The following FRMPD1 variants were observed in gnomAD, a reference collection of about 807,000 sequenced individuals.
The protein encoded by FRMPD1 is FERM and PDZ domain containing 1.
In FRMPD1, 76 loss-of-function variants were observed where a neutral mutation model predicts 117.8. The observed-to-expected ratio is 0.65, with a 90% CI of 0.54 to 0.78. The LOEUF is 0.78. Among genes scored for constraint, FRMPD1 ranks in the 30% least tolerant of loss-of-function variants. The probability of loss-of-function intolerance (pLI) is 0.00; values close to 1 mark genes in which losing one functional copy is unlikely to be tolerated. For synonymous variants in FRMPD1, 783 were observed against 770.4 expected (o/e 1.02, Z -0.27); for missense variants, 1,786 against 1,964.5 (o/e 0.91, Z 1.72).
At chr9:37,633,154 C>T in the FRMPD1 span, among the ~76,000 whole-genome samples, 7 of 151,964 alleles carry the variant, frequency 4.6e-5, no homozygotes, top group East Asian at 1.3e-3. Context: ...ATTCTCCTGC[C>T]TCAGCCTCCC....
At chr9:37,664,976 C>G (rs1821118649) in intron 1 of FRMPD1, among the ~76,000 whole-genome samples, 1 of 152,166 alleles carries the variant, frequency 6.6e-6, no homozygotes, top group African/African-American at 2.4e-5. Flanking sequence ...AGAATAATTA[C>G]AGATGTATTT....
chr9:37,688,750 A>G (rs1448466615), intron 1 of FRMPD1, among the ~76,000 whole-genome samples: 3 of 152,112 alleles, frequency 2.0e-5, no homozygotes, highest in Admixed American at 6.5e-5. Flanking sequence ...TTAATATGCA[A>G]TGATGTTTAT....
intron 11 of FRMPD1, 40 bp downstream of exon 11, chr9:37,733,639 T>C: frequency 6.2e-7 from 1 of 1,610,822 alleles, no homozygotes; most frequent in Non-Finnish European, 8.5e-7. Flanking sequence ...AGCTGTCGTC[T>C]GTGAAACCTT....
chr9:37,635,430 CT>C, the FRMPD1 span, among the ~76,000 whole-genome samples: 20 of 151,488 alleles, frequency 1.3e-4, no homozygotes, highest in East Asian at 1.5e-3. Flanking sequence ...ATGTTTTTTT[CT>C]TTTTTTTTGT....
Position 37,740,611 on chromosome 9 carries a change from G to C in FRMPD1, c.2083G>C (p.Asp695His). 1.2e-6 allele frequency: 2 copies of C among 1,614,192 alleles called. No homozygotes were observed. Among genetic ancestry groups the C allele is most frequent in the Non-Finnish European group, 1.7e-6 (2 of 1,180,026 alleles). Reference sequence around the variant, plus strand: ...ACCAGAACTGAGCACAGTCAGGCTGGACCCCAGGCTGTATGAAGGCAGCCA... The same window carrying C: ...ACCAGAACTGAGCACAGTCAGGCTGCACCCCAGGCTGTATGAAGGCAGCCA... ...WAPELSTVRL[D>H]PRLYEGSHAD... is the part of the protein sequence containing the mutation. The change falls in exon 15 of 16, where the codon GAC becomes CAC. Residue 695 changes from aspartate to histidine, a missense_variant. By Grantham distance (81) the Asp-to-His change is moderately conservative. Coordinates refer to ENST00000377765, the MANE Select transcript of FRMPD1 (RefSeq NM_014907.3). The surrounding 1 kb of genome is among the most constrained non-coding windows in gnomAD (Gnocchi z 4.2).
Position 37,740,883 on chromosome 9 carries a change from A to G in FRMPD1, c.2355A>G (p.Ser785=). 1 of 1,612,624 alleles carries G rather than the reference A, an allele frequency of 6.2e-7. No individual in the cohort carries two copies. Among genetic ancestry groups the G allele is most frequent in the Non-Finnish European group, 8.5e-7 (1 of 1,178,606 alleles). The change falls in exon 15 of 16, where the codon TCA becomes TCG. Residue 785 remains serine (S), a splice_region_variant and synonymous_variant. Transcript: ENST00000377765. The surrounding 1 kb of genome is among the most constrained non-coding windows in gnomAD (Gnocchi z 4.2). ...ADKLTPPGPP[S]GPRDVSTAEP... ...AGCTCACTCCCCCAGGCCCCCCGTC[A>G]GGTGAGCCGTCCCTTGCAGGTCTGC...
chr9:37,643,849 A>G, the FRMPD1 span, among the ~76,000 whole-genome samples: 2 of 152,186 alleles, frequency 1.3e-5, no homozygotes, highest in Non-Finnish European at 2.9e-5. Context: ...TGGGTCCACC[A>G]GGCTGAGGTG....
intron 1 of FRMPD1, among the ~76,000 whole-genome samples, chr9:37,688,270 C>T (rs1019306759): frequency 1.3e-5 from 2 of 150,996 alleles, no homozygotes; most frequent in Non-Finnish European, 3.0e-5. Context: ...TTGAATGCTA[C>T]TTTCAATCCC....
intron 1 of FRMPD1, among the ~76,000 whole-genome samples, chr9:37,673,957 T>C (rs2117860487): frequency 6.6e-6 from 1 of 152,362 alleles, no homozygotes; most frequent in Non-Finnish European, 1.5e-5. Flanking sequence ...GCCATGAAGG[T>C]CTCTGACATG....
chr9:37,621,370 C>A, the FRMPD1 span, among the ~76,000 whole-genome samples: 1 of 152,166 alleles, frequency 6.6e-6, no homozygotes, highest in Non-Finnish European at 1.5e-5. Context: ...GGTTACGTGA[C>A]TCTTGCACCG....
rs374637393 is a variant in FRMPD1 at position 37,691,955 on chromosome 9, A to G, written c.-4-683A>G. Reference sequence around the variant, plus strand: ...AAAGAAACTCTGGAAGGACAAATGGAAAACAAGAGCAGTGATTATGTATGG... The same window carrying G: ...AAAGAAACTCTGGAAGGACAAATGGGAAACAAGAGCAGTGATTATGTATGG... On this transcript the variant is annotated intron_variant, in intron 1 of 15. Transcript: ENST00000377765. 7.2e-5 allele frequency among the ~76,000 whole-genome samples: 11 copies of G among 152,184 alleles called. No homozygotes were observed. The South Asian group carries it at 2.3e-3, about 32-fold the overall frequency.
chr9:37,627,560 A>G, the FRMPD1 span, among the ~76,000 whole-genome samples: 2 of 152,154 alleles, frequency 1.3e-5, no homozygotes, highest in Non-Finnish European at 2.9e-5. Flanking sequence ...GTAACCTCCA[A>G]CTACTGGGCT....
intron 3 of FRMPD1, among the ~76,000 whole-genome samples, 196 bp downstream of exon 3, chr9:37,707,769 C>T (rs927777773): frequency 4.6e-5 from 7 of 152,222 alleles, no homozygotes; most frequent in Admixed American, 1.3e-4. Flanking sequence ...GTGCACTTGC[C>T]GCTCCAAACC....
At position 37,740,763 on chromosome 9, in the gene FRMPD1, C is replaced by A. The variant is rs1824366373; in HGVS notation, c.2235C>A (p.Ala745=). 1.9e-6 allele frequency: 3 copies of A among 1,614,134 alleles called. No individual in the cohort carries two copies. The highest frequency in any genetic ancestry group is 2.5e-6 in the Non-Finnish European group (3 of 1,179,976). The change falls in exon 15 of 16, where the codon GCC becomes GCA. Residue 745 remains alanine (A), a synonymous_variant. Coordinates refer to ENST00000377765, the MANE Select transcript of FRMPD1 (RefSeq NM_014907.3). This position sits in a 1 kb window ranked among gnomAD's most constrained non-coding sequence, Gnocchi z 4.2. ...GGGGTCAGCAGGGCTGGACTGAGGCCCAGCCCAGTTCCATGCTGGAACCCC... is the reference window on the plus strand; with the variant it reads ...GGGGTCAGCAGGGCTGGACTGAGGCACAGCCCAGTTCCATGCTGGAACCCC... ...PAWGQQGWTE[A]QPSSMLEPLA...
At chr9:37,710,827 G>A (rs939813709) in intron 4 of FRMPD1, among the ~76,000 whole-genome samples, 3 of 151,926 alleles carry the variant, frequency 2.0e-5, no homozygotes, top group South Asian at 4.2e-4. Flanking sequence ...GTGTGGTGGC[G>A]GGTGCCTGTA....
the FRMPD1 span, among the ~76,000 whole-genome samples, chr9:37,633,307 C>T: frequency 1.9e-3 from 292 of 152,280 alleles, 1 homozygote; most frequent in Admixed American, 7.8e-3. Context: ...TTCCAAAGTG[C>T]TGGGATTGCA....
At chr9:37,646,366 A>C (rs1199163151), upstream of FRMPD1, among the ~76,000 whole-genome samples, 1 of 152,232 alleles carries the variant, frequency 6.6e-6, no homozygotes, top group Non-Finnish European at 1.5e-5. Context: ...TTAAGGAATC[A>C]TGTCGTTTTA....
chr9:37,733,769 C>G lies in FRMPD1; in HGVS notation c.1162C>G (p.Gln388Glu). 6.2e-7 allele frequency: 1 copy of G among 1,607,740 alleles called. No individual in the cohort carries two copies. Among genetic ancestry groups the G allele is most frequent in the Non-Finnish European group, 8.5e-7 (1 of 1,174,202 alleles). Residue 388 changes from glutamine (Q) to glutamate (E), a missense_variant, in exon 12 of 16, where the codon CAG becomes GAG. By Grantham distance (29) the Gln-to-Glu change is conservative. Coordinates refer to ENST00000377765, the MANE Select transcript of FRMPD1 (RefSeq NM_014907.3). ...TGCCCAGCTACGTTTAAATTATCTACAGATCCTCGGAGAACTCAAGACATA... is the reference window on the plus strand; with the variant it reads ...TGCCCAGCTACGTTTAAATTATCTAGAGATCCTCGGAGAACTCAAGACATA... ...SAAQLRLNYL[Q>E]ILGELKTYGG...
chr9:37,646,844 C>T (rs1279128314), upstream of FRMPD1, among the ~76,000 whole-genome samples: 1 of 152,152 alleles, frequency 6.6e-6, no homozygotes, highest in Non-Finnish European at 1.5e-5. Flanking sequence ...ATTAAGTCAG[C>T]TCTCAGAAGT....
Sources: allele counts gnomAD v4.1 joint callset (sites outside exome capture counted in the v4.1 genomes callset), GRCh38; gene constraint gnomAD v4.1.1; non-coding constraint Gnocchi (gnomAD v3.1); transcripts MANE v1.5; gene names NCBI Gene and HGNC (gene_info 2026-07-23, HGNC 2026-07-21).